LRRC4C: variants seen among roughly 807,000 people sequenced by gnomAD.
LRRC4C encodes the protein leucine-rich repeat-containing protein 4C.
A neutral mutation model predicts 33.6 loss-of-function variants in LRRC4C; 5 were observed. The observed-to-expected ratio is 0.15, with a 90% confidence interval of 0.08 to 0.31. The LOEUF (loss-of-function observed/expected upper bound fraction) is 0.31. LRRC4C is among the 10% of genes least tolerant of loss of function. LRRC4C has a pLI of 1.00. For synonymous variants in LRRC4C, 329 were observed against 302.0 expected (o/e 1.09, Z -0.93); for missense variants, 560 against 796.7 (o/e 0.70, Z 3.58).
chr11:41,246,477 C>T (rs139980554), intron 1 of LRRC4C, among the ~76,000 whole-genome samples: 26 of 152,278 alleles, frequency 1.7e-4, no homozygotes, highest in African/African-American at 5.5e-4. Flanking sequence ...GCCCCATCCG[C>T]AGTCGTGGCT....
chr11:40,882,018 A>C (rs1029760713), intron 2 of LRRC4C, among the ~76,000 whole-genome samples: 1 of 151,940 alleles, frequency 6.6e-6, no homozygotes, highest in Non-Finnish European at 1.5e-5. Context: ...GATAGTAAAT[A>C]TTTTCATCTT....
At chr11:40,742,265 G>A (rs1312822788) in intron 2 of LRRC4C, among the ~76,000 whole-genome samples, 1 of 151,952 alleles carries the variant, frequency 6.6e-6, no homozygotes, top group East Asian at 1.9e-4. Context: ...TAGATGCAAA[G>A]GAGACTTTTG....
intron 3 of LRRC4C, among the ~76,000 whole-genome samples, chr11:40,374,720 C>T (rs1590504481): frequency 6.6e-6 from 1 of 152,092 alleles, no homozygotes; most frequent in Non-Finnish European, 1.5e-5. Flanking sequence ...TCTAACATTC[C>T]TCTTCATCTT....
At chr11:40,501,174 C>G (rs974240191) in intron 3 of LRRC4C, among the ~76,000 whole-genome samples, 3 of 152,076 alleles carry the variant, frequency 2.0e-5, no homozygotes, top group Admixed American at 6.5e-5. Flanking sequence ...AACAACTGAA[C>G]AATTCTGCCC....
At position 40,867,072 on chromosome 11, in the gene LRRC4C, C is replaced by A. The variant is rs555803052; in HGVS notation, c.-407+66563G>T. ...ATTCTTCTGCTATATGATGCCAGAG[C>A]ATTCTATCCTTTTCCTTTCAAATCT... On this transcript the variant is annotated intron_variant, in intron 2 of 6. Transcript: ENST00000528697. Among the ~76,000 whole-genome samples the A allele has an allele frequency of 1.2e-4, 18 of 152,268 alleles. No individual in the cohort carries two copies. In the South Asian group the frequency reaches 3.5e-3, roughly 30 times the overall value.
At position 40,595,026 on chromosome 11, in the gene LRRC4C, T is replaced by C. The variant is rs1239504594; in HGVS notation, c.-270+53116A>G. Among the ~76,000 whole-genome samples, 4 of 152,054 alleles carry C rather than the reference T, an allele frequency of 2.6e-5. No individual in the cohort carries two copies. In the East Asian group the frequency reaches 5.8e-4, roughly 22 times the overall value. ...ACAGTAAGTTTTAAATATTGAATAG[T>C]TTTTTTCTCTCATATGGGTTTATCA... On this transcript the variant is annotated intron_variant, in intron 3 of 6. Coordinates refer to ENST00000528697, the MANE Select transcript of LRRC4C (RefSeq NM_001258419.2).
chr11:40,728,781 C>A (rs999296753), intron 2 of LRRC4C, among the ~76,000 whole-genome samples: 3 of 151,998 alleles, frequency 2.0e-5, no homozygotes, highest in Admixed American at 6.6e-5. Context: ...TGCATATACA[C>A]CATGGAATAA....
chr11:40,952,651 G>T (rs767611825), intron 1 of LRRC4C, among the ~76,000 whole-genome samples: 1 of 151,948 alleles, frequency 6.6e-6, no homozygotes, highest in African/African-American at 2.4e-5. Flanking sequence ...GATGGGTAGA[G>T]GTCCAACAAG....
chr11:40,713,873 A>G (rs1269037640), intron 2 of LRRC4C, among the ~76,000 whole-genome samples: 1 of 152,198 alleles, frequency 6.6e-6, no homozygotes, highest in African/African-American at 2.4e-5. Flanking sequence ...ACCACCTAGT[A>G]TGTATGCCCT....
At chr11:41,208,691 A>G (rs543638287) in intron 1 of LRRC4C, among the ~76,000 whole-genome samples, 31 of 152,358 alleles carry the variant, frequency 2.0e-4, no homozygotes, top group Admixed American at 7.8e-4. Context: ...GTGCTTCTCT[A>G]CAAGAAAATA....
In LRRC4C at chr11:41,000,718, G is replaced by A. The variant is rs570692104; in HGVS notation, c.-495-66995C>T. 1.6e-4 allele frequency among the ~76,000 whole-genome samples: 25 copies of A among 152,112 alleles called. No homozygotes were observed. In the South Asian group the frequency reaches 3.5e-3, roughly 21 times the overall value. ...TTACTTTAACTTGCTTTACTCATTC[G>A]TCTCCCCGACTGGCCAGCGTAGGCA... On this transcript the variant is annotated intron_variant, in intron 1 of 6. Coordinates refer to ENST00000528697, the MANE Select transcript of LRRC4C (RefSeq NM_001258419.2).
Position 41,116,775 on chromosome 11 carries a change from TTTGA to T in LRRC4C, c.-495-183056_-495-183053del, listed in dbSNP as rs1942154066. On this transcript the variant is annotated intron_variant, in intron 1 of 6. Transcript: ENST00000528697. ...ACCCCCAGGAATTTATCCTGATAAT[TTTGA>T]TTAAGTTATTGACATTATTCAGCAG... Among the ~76,000 whole-genome samples the T allele has an allele frequency of 2.0e-5, 3 of 152,100 alleles. No homozygotes were observed. The South Asian group carries it at 6.2e-4, about 31-fold the overall frequency.
At chr11:40,530,213 T>A (rs1255600791) in intron 3 of LRRC4C, among the ~76,000 whole-genome samples, 1 of 152,078 alleles carries the variant, frequency 6.6e-6, no homozygotes, top group Admixed American at 6.6e-5. Flanking sequence ...TCTAAAATTA[T>A]GATTTTAATA....
intron 2 of LRRC4C, among the ~76,000 whole-genome samples, chr11:40,886,932 A>T (rs1444276648): frequency 6.7e-6 from 1 of 149,860 alleles, no homozygotes; most frequent in African/African-American, 2.5e-5. Context: ...TTATATATAT[A>T]CGTGTACGTA....
At chr11:41,062,918 A>C (rs1231023701) in intron 1 of LRRC4C, among the ~76,000 whole-genome samples, 1 of 152,044 alleles carries the variant, frequency 6.6e-6, no homozygotes, top group Non-Finnish European at 1.5e-5. Context: ...GATTTCTAGC[A>C]ACCACCAGAA....
chr11:41,144,953 G>A (rs906650224), intron 1 of LRRC4C, among the ~76,000 whole-genome samples: 1 of 152,122 alleles, frequency 6.6e-6, no homozygotes, highest in East Asian at 1.9e-4. Context: ...TTCAAAATCT[G>A]CCTCTGTTGT....
intron 1 of LRRC4C, among the ~76,000 whole-genome samples, chr11:41,022,410 G>A (rs1052014391): frequency 1.3e-5 from 2 of 151,884 alleles, no homozygotes; most frequent in African/African-American, 4.8e-5. Flanking sequence ...GGGTAAGCAA[G>A]GAGATTTGCC....
intron 1 of LRRC4C, among the ~76,000 whole-genome samples, chr11:41,297,404 G>A (rs576762778): frequency 1.8e-4 from 28 of 152,222 alleles, no homozygotes; most frequent in East Asian, 1.2e-3. Flanking sequence ...CTTGTAAAAT[G>A]TGTTTAGAAG....
At chr11:40,454,806 A>G (rs994285480) in intron 3 of LRRC4C, among the ~76,000 whole-genome samples, 1 of 152,142 alleles carries the variant, frequency 6.6e-6, no homozygotes, top group Admixed American at 6.5e-5. Context: ...TGAGCTGGTT[A>G]AAAGACAAGG....
Sources: allele counts gnomAD v4.1 joint callset (sites outside exome capture counted in the v4.1 genomes callset), GRCh38; gene constraint gnomAD v4.1.1; transcripts MANE v1.5; gene names NCBI Gene and HGNC (gene_info 2026-07-23, HGNC 2026-07-21).